Variants in MAPK10 observed in about 807,000 individuals in gnomAD.
The protein encoded by MAPK10 is mitogen-activated protein kinase 10, also known as JNK3 alpha protein kinase.
A neutral mutation model predicts 59.3 loss-of-function variants in MAPK10; 25 were observed. The ratio of observed to expected loss-of-function variants is 0.42; its 90% CI spans 0.31 to 0.59. The LOEUF (loss-of-function observed/expected upper bound fraction) is 0.59. Ranked by LOEUF, MAPK10 falls within the 20% of genes least tolerant of loss-of-function variation. The probability of loss-of-function intolerance (pLI) is 0.15; values close to 1 mark genes in which losing one functional copy is unlikely to be tolerated. For synonymous variants in MAPK10, 190 were observed against 200.5 expected, an observed-to-expected ratio of 0.95 and a Z score of 0.44; for missense variants, 351 against 568.9, an observed-to-expected ratio of 0.62 and a Z score of 3.90.
intron 1 of MAPK10, among the ~76,000 whole-genome samples, chr4:86,383,648 C>G (rs1313409058): frequency 6.6e-6 from 1 of 152,076 alleles, no homozygotes; most frequent in Non-Finnish European, 1.5e-5. Flanking sequence ...AATTAAAACA[C>G]CAAGACATGT....
chr4:86,482,012 A>G (rs1225543114), intron 1 of MAPK10, among the ~76,000 whole-genome samples: 3 of 152,214 alleles, frequency 2.0e-5, no homozygotes, highest in African/African-American at 7.2e-5. Context: ...AAAACAGTGC[A>G]GTTTATTAGA....
chr4:86,364,553 TTA>T (rs1737524380), upstream of MAPK10, among the ~76,000 whole-genome samples: 1 of 152,050 alleles, frequency 6.6e-6, no homozygotes, highest in African/African-American at 2.4e-5. Flanking sequence ...TCAATTATAT[TTA>T]TGTTATTTAA....
At chr4:86,065,335 A>G (rs971504606) in intron 10 of MAPK10, 2 of 152,196 alleles carry the variant, frequency 1.3e-5, no homozygotes, top group African/African-American at 4.8e-5. Flanking sequence ...TGGAATCATG[A>G]CTTGATGAAA....
At chr4:86,562,990 G>T (rs1760792988) in intron 1 of MAPK10, among the ~76,000 whole-genome samples, 1 of 152,006 alleles carries the variant, frequency 6.6e-6, no homozygotes. Context: ...AACTCTTAAG[G>T]TACCAGTCAA....
At chr4:86,414,011 G>A (rs748699452) in intron 1 of MAPK10, among the ~76,000 whole-genome samples, 1 of 152,188 alleles carries the variant, frequency 6.6e-6, no homozygotes, top group Non-Finnish European at 1.5e-5. Flanking sequence ...ATCTCACTGG[G>A]AGCTGAAGAC....
At chr4:86,091,907 T>G (rs1325847609) in intron 9 of MAPK10, among the ~76,000 whole-genome samples, 2 of 151,914 alleles carry the variant, frequency 1.3e-5, no homozygotes, top group Non-Finnish European at 2.9e-5. Flanking sequence ...CTCCTGACCT[T>G]GTGATCTGCC....
Position 86,142,195 on chromosome 4 carries a change from T to G in MAPK10, c.236+17103A>C, listed in dbSNP as rs1236218740. On this transcript the variant is annotated intron_variant, in intron 4 of 13. Transcript: ENST00000641462. ...CAGGGATCAAATTTCAACATGAGTT[T>G]TGGTGGGAAAAACAAAACATATTCA... Among the ~76,000 whole-genome samples the G allele has an allele frequency of 2.0e-5, 3 of 152,116 alleles. No individual in the cohort carries two copies. The East Asian group carries it at 5.8e-4, about 29-fold the overall frequency.
At chr4:86,212,733 A>G (rs1468846708) in intron 2 of MAPK10, among the ~76,000 whole-genome samples, 1 of 152,198 alleles carries the variant, frequency 6.6e-6, no homozygotes, top group East Asian at 1.9e-4. Flanking sequence ...ATAGGAAGCA[A>G]AAATTCACAA....
chr4:86,273,262 C>T (rs180710208), intron 2 of MAPK10, among the ~76,000 whole-genome samples: 1 of 151,980 alleles, frequency 6.6e-6, no homozygotes, highest in East Asian at 1.9e-4. Context: ...AAAAGCCTAA[C>T]AAAAGAAAGG....
chr4:86,176,023 T>C (rs2075617209), intron 3 of MAPK10: 2 of 152,140 alleles, frequency 1.3e-5, no homozygotes, highest in Admixed American at 1.3e-4. Context: ...AATGATACAC[T>C]CCAGATTAGA....
intron 11 of MAPK10, among the ~76,000 whole-genome samples, chr4:86,033,622 CACAA>C (rs1486540155): frequency 6.6e-6 from 1 of 152,198 alleles, no homozygotes; most frequent in African/African-American, 2.4e-5. Context: ...AGACACTAAT[CACAA>C]ACAAACTACA....
At chr4:86,131,072 G>A (rs1297319655) in intron 4 of MAPK10, among the ~76,000 whole-genome samples, 1 of 152,180 alleles carries the variant, frequency 6.6e-6, no homozygotes. Context: ...GGAGGGAAAT[G>A]AGTACATGAG....
intron 1 of MAPK10, among the ~76,000 whole-genome samples, chr4:86,448,911 A>G (rs1750371771): frequency 6.6e-6 from 1 of 152,192 alleles, no homozygotes; most frequent in Non-Finnish European, 1.5e-5. Flanking sequence ...ACAGATCATC[A>G]GGCATTAGAT....
chr4:86,581,807 T>C (rs1467363588), intron 1 of MAPK10, among the ~76,000 whole-genome samples: 1 of 148,616 alleles, frequency 6.7e-6, no homozygotes, highest in Admixed American at 6.8e-5. Context: ...CATTATTAAT[T>C]GGACACACCA....
At chr4:86,487,170 A>T (rs1754059768) in intron 1 of MAPK10, among the ~76,000 whole-genome samples, 1 of 152,176 alleles carries the variant, frequency 6.6e-6, no homozygotes, top group African/African-American at 2.4e-5. Context: ...GATTAGGGCA[A>T]TTTGCAAATT....
intron 2 of MAPK10, among the ~76,000 whole-genome samples, chr4:86,216,374 C>T (rs1016348456): frequency 4.0e-5 from 6 of 149,366 alleles, no homozygotes; most frequent in East Asian, 2.0e-4. Context: ...AAGGAAATTC[C>T]GACATGCTAC....
At chr4:86,035,036 T>C (rs1011978645) in intron 11 of MAPK10, among the ~76,000 whole-genome samples, 1 of 151,898 alleles carries the variant, frequency 6.6e-6, no homozygotes, top group Non-Finnish European at 1.5e-5. Context: ...ATAAGAGCTG[T>C]ACTTAGAGAA....
intron 1 of MAPK10, among the ~76,000 whole-genome samples, chr4:86,477,956 T>G (rs886952274): frequency 1.3e-5 from 2 of 152,182 alleles, no homozygotes; most frequent in African/African-American, 4.8e-5. Flanking sequence ...CCGCAAGGCT[T>G]CACGGACAGC....
Position 86,023,828 on chromosome 4 carries a change from T to TATAC in MAPK10, c.1252+5368_1252+5369insGTAT, listed in dbSNP as rs1214902776. ...GATCAAATGAATATATATATATATATATATATATATATATATATATATAAA... is the reference window on the plus strand; with the variant it reads ...GATCAAATGAATATATATATATATATATACATATATATATATATATATATATAAA... On this transcript the variant is annotated intron_variant, in intron 13 of 13. Transcript: ENST00000641462. The TATAC allele has an allele frequency of 1.9e-4, 26 of 139,222 alleles. 1 individual carries two copies. The highest frequency in any genetic ancestry group is 6.7e-4 in the African/African-American group (24 of 35,908). The allele number at this position is 139,222 out of a possible 1,614,324, so 8.6% of individuals were successfully genotyped here. A position where few individuals can be genotyped will look rare whatever the true frequency, so the allele number is the denominator to read the frequency against.
Sources: allele counts gnomAD v4.1 joint callset (sites outside exome capture counted in the v4.1 genomes callset), GRCh38; gene constraint gnomAD v4.1.1; transcripts MANE v1.5; gene names NCBI Gene and HGNC (gene_info 2026-07-23, HGNC 2026-07-21).